SLFN12: variants seen among roughly 807,000 people sequenced by gnomAD.
SLFN12 encodes schlafen family member 12, also known as ribonuclease SLFN12.
A neutral mutation model predicts 29.1 loss-of-function variants in SLFN12; 25 were observed. The observed-to-expected ratio is 0.86, with a 90% confidence interval of 0.63 to 1.20. The LOEUF (loss-of-function observed/expected upper bound fraction) is 1.20, where lower values mean the gene tolerates loss of function less well. Among genes scored for constraint, SLFN12 ranks in the 50% most tolerant of loss-of-function variants. The pLI, the probability that SLFN12 is intolerant of heterozygous loss-of-function variation, is 0.00. For missense variants in SLFN12, 660 were observed against 666.2 expected, an observed-to-expected ratio of 0.99 and a Z score of 0.10; for synonymous variants, 257 against 238.7, an observed-to-expected ratio of 1.08 and a Z score of -0.71.
intron 3 of SLFN12, among the ~76,000 whole-genome samples, chr17:35,417,027 G>A (rs1358133471): frequency 6.6e-6 from 1 of 152,028 alleles, no homozygotes; most frequent in African/African-American, 2.4e-5. Context: ...TTTTTCAAAG[G>A]ATAGGAAAAG....
At chr17:35,418,767 AT>A (rs1911460934) in intron 3 of SLFN12, among the ~76,000 whole-genome samples, 1 of 152,160 alleles carries the variant, frequency 6.6e-6, no homozygotes, top group Admixed American at 6.5e-5. Flanking sequence ...ACTTTTCAGT[AT>A]TGCGGCTGGG....
At chr17:35,419,493 T>C (rs891268761) in intron 3 of SLFN12, among the ~76,000 whole-genome samples, 2 of 152,056 alleles carry the variant, frequency 1.3e-5, no homozygotes, top group Admixed American at 1.3e-4. Context: ...AGATGAAATA[T>C]ATATGGCCAG....
At chr17:35,426,167 T>C (rs1912012381) in intron 1 of SLFN12, among the ~76,000 whole-genome samples, 1 of 151,934 alleles carries the variant, frequency 6.6e-6, no homozygotes, top group Non-Finnish European at 1.5e-5. Context: ...TTGAGTTGTT[T>C]GGGTTTCTTA....
intron 1 of SLFN12, among the ~76,000 whole-genome samples, chr17:35,428,894 G>C (rs1007557262): frequency 2.0e-5 from 3 of 151,966 alleles, no homozygotes; most frequent in Non-Finnish European, 4.4e-5. Flanking sequence ...TGCACATGAG[G>C]CTGCCCCAAA....
chr17:35,422,943 T>C lies in SLFN12; in HGVS notation c.86A>G (p.Lys29Arg), dbSNP rs745396413. The C allele has an allele frequency of 2.5e-6, 4 of 1,613,978 alleles. No individual in the cohort carries two copies. The highest frequency in any genetic ancestry group is 1.7e-5 in the Admixed American group (1 of 60,016). Residue 29 changes from lysine (K) to arginine (R), a missense_variant, in exon 2 of 4, where the codon AAA (lysine) becomes AGA (arginine). Physicochemically the swap from Lys to Arg is conservative, Grantham distance 26 (BLOSUM62 2). Coordinates refer to ENST00000304905, the MANE Select transcript of SLFN12 (RefSeq NM_018042.5). ...GRVTLGENSR[K>R]KMKDCKLRKK... Reference sequence around the variant, plus strand: ...TCTCAGTTTACAATCCTTCATTTTTTTCCTACTGTTCTCTCCAAGAGTGAC... The same window carrying C: ...TCTCAGTTTACAATCCTTCATTTTTCTCCTACTGTTCTCTCCAAGAGTGAC...
rs1424331312 is a variant in SLFN12, at chr17:35,411,900, G to A, written c.1175C>T (p.Pro392Leu). Residue 392 changes from proline (P) to leucine (L), a missense_variant, in exon 4 of 4, where the codon CCA (proline) becomes CTA (leucine). Physicochemically the swap from Pro to Leu is moderately conservative, Grantham distance 98. Coordinates refer to ENST00000304905, the MANE Select transcript of SLFN12 (RefSeq NM_018042.5). ...PGLSGRITYT[P>L]ENLCRKLFLQ... The stretch of plus-strand genomic sequence containing the variant: ...GAACAGTTTTCTGCAAAGGTTTTCT[G>A]GAGTATACGTTATCCTTCCTGATAG... 1.7e-5 allele frequency: 28 copies of A among 1,609,906 alleles called. No individual in the cohort carries two copies. Among genetic ancestry groups the A allele is most frequent in the Non-Finnish European group, 2.4e-5 (28 of 1,178,538 alleles).
At chr17:35,430,904 T>C (rs1912281429) in intron 1 of SLFN12, among the ~76,000 whole-genome samples, 1 of 152,166 alleles carries the variant, frequency 6.6e-6, no homozygotes, top group Admixed American at 6.5e-5. Context: ...CTATCATAAC[T>C]TTCACAAAAG....
At chr17:35,424,092 G>A (rs1403279150) in intron 1 of SLFN12, among the ~76,000 whole-genome samples, 1 of 152,112 alleles carries the variant, frequency 6.6e-6, no homozygotes, top group Non-Finnish European at 1.5e-5. Flanking sequence ...CATTAGCTCT[G>A]TTCCCTTAAA....
chr17:35,411,889 A>C lies in SLFN12; in HGVS notation c.1186T>G (p.Cys396Gly), dbSNP rs1911045392. The change falls in exon 4 of 4, where the codon TGC (cysteine) becomes GGC (glycine). Residue 396 changes from cysteine (C) to glycine (G), a missense_variant. Physicochemically the swap from Cys to Gly is radical, Grantham distance 159 (BLOSUM62 -3). Transcript: ENST00000304905. ...GRITYTPENLCRKLFLQHEGL... is the reference protein window; with the variant it reads ...GRITYTPENLGRKLFLQHEGL... Reference sequence around the variant, plus strand: ...TCATGTTGTAAGAACAGTTTTCTGCAAAGGTTTTCTGGAGTATACGTTATC... The same window carrying C: ...TCATGTTGTAAGAACAGTTTTCTGCCAAGGTTTTCTGGAGTATACGTTATC... 6.2e-7 allele frequency: 1 copy of C among 1,612,606 alleles called. No homozygotes were observed. Among genetic ancestry groups the C allele is most frequent in the African/African-American group, 1.3e-5 (1 of 74,894 alleles).
intron 1 of SLFN12, among the ~76,000 whole-genome samples, chr17:35,429,394 T>C (rs958607700): frequency 1.1e-4 from 16 of 152,066 alleles, no homozygotes; most frequent in African/African-American, 2.4e-5. Flanking sequence ...AGCATACATC[T>C]GGGACAAAAC....
At position 35,432,271 on chromosome 17, in the gene SLFN12, C is replaced by A. The variant is rs1912362818; in HGVS notation, c.-124G>T. The A allele has an allele frequency of 6.6e-6, 1 of 152,110 alleles. No homozygotes were observed. Among genetic ancestry groups the A allele is most frequent in the African/African-American group, 2.4e-5 (1 of 41,424 alleles). The allele number at this position is 152,110 out of a possible 1,614,324, so 9.4% of individuals were successfully genotyped here. A position where few individuals can be genotyped will look rare whatever the true frequency, so the allele number is the denominator to read the frequency against. On this transcript the variant is annotated 5_prime_UTR_variant, in exon 1 of 4. Transcript: ENST00000304905. ...TTGAACAAAGAACTGGACAAACACA[C>A]AAACAAAGCAAGGAAAGAATGAAGC...
rs143297790 is a variant in SLFN12 at position 35,416,224 on chromosome 17, C to A, written c.1147+4050G>T. On this transcript the variant is annotated intron_variant, in intron 3 of 3. Transcript: ENST00000304905. ...CACAGCAACCTGAATGGGGTGGGAACCATTATTCTAACTGAAGTAACTCAG... is the reference window on the plus strand; with the variant it reads ...CACAGCAACCTGAATGGGGTGGGAAACATTATTCTAACTGAAGTAACTCAG... 6.2e-3 allele frequency among the ~76,000 whole-genome samples: 942 copies of A among 152,132 alleles called. 8 individuals are homozygous for A. Among genetic ancestry groups the A allele is most frequent in the Non-Finnish European group, 0.011 (718 of 67,988 alleles).
At chr17:35,419,366 T>C (rs1377877216) in intron 3 of SLFN12, among the ~76,000 whole-genome samples, 3 of 152,096 alleles carry the variant, frequency 2.0e-5, no homozygotes, top group Non-Finnish European at 4.4e-5. Flanking sequence ...TAGTCGTTAA[T>C]ACCTATGACT....
rs537087605 is a variant in SLFN12 at position 35,422,400 on chromosome 17, G to C, written c.629C>G (p.Ser210Trp). The C allele has an allele frequency of 1.9e-6, 3 of 1,613,878 alleles. No homozygotes were observed. Among genetic ancestry groups the C allele is most frequent in the South Asian group, 1.1e-5 (1 of 90,978 alleles). The change falls in exon 2 of 4, where the codon TCG (serine) becomes TGG (tryptophan). Residue 210 changes from serine (S) to tryptophan (W), a missense_variant. Transcript: ENST00000304905. ...ESTHVEIKNF[S>W]TEKLLQRIKE... ...AATTCGTTGTAACAACTTTTCTGTC[G>C]AGAAGTTTTTAATTTCAACATGTGT...
intron 1 of SLFN12, chr17:35,431,969 C>T (rs1194199365): frequency 6.6e-6 from 1 of 152,158 alleles, no homozygotes; most frequent in African/African-American, 2.4e-5. Flanking sequence ...AAGAGCCCTT[C>T]CCGCTTCTGG....
intron 1 of SLFN12, among the ~76,000 whole-genome samples, chr17:35,427,157 A>G (rs1912062359): frequency 6.6e-6 from 1 of 152,206 alleles, no homozygotes; most frequent in South Asian, 2.1e-4. Context: ...TGCCTCCTCA[A>G]GACTAAGACC....
chr17:35,421,274 G>C (rs571987562), intron 2 of SLFN12, among the ~76,000 whole-genome samples: 1 of 150,934 alleles, frequency 6.6e-6, no homozygotes, highest in Non-Finnish European at 1.5e-5. Flanking sequence ...GGGACAAGAA[G>C]CATGAAGGAG....
In SLFN12 at chr17:35,420,343, T is replaced by G. The variant is rs200355125; in HGVS notation, c.1078A>C (p.Asn360His). 3.7e-6 allele frequency: 6 copies of G among 1,613,826 alleles called. No individual in the cohort carries two copies. In the Admixed American group the frequency reaches 1.0e-4, roughly 27 times the overall value. ...SSYEEVISQI[N>H]TSLPAPHSWP... is the part of the protein sequence containing the mutation. ...CTGTGGGGAGCAGGTAATGACGTAT[T>G]TATTTGAGAGATCACCTCTTCATAT... The change falls in exon 3 of 4, where the codon AAT becomes CAT. Residue 360 changes from asparagine (N) to histidine (H), a missense_variant. Asn to His is a moderately conservative substitution (Grantham distance 68). Coordinates refer to ENST00000304905, the MANE Select transcript of SLFN12 (RefSeq NM_018042.5).
chr17:35,423,454 A>G (rs1469176302), intron 1 of SLFN12, among the ~76,000 whole-genome samples: 1 of 151,752 alleles, frequency 6.6e-6, no homozygotes, highest in Non-Finnish European at 1.5e-5. Flanking sequence ...TTTTCTTTTT[A>G]TTTTAATAAT....
Sources: allele counts gnomAD v4.1 joint callset (sites outside exome capture counted in the v4.1 genomes callset), GRCh38; gene constraint gnomAD v4.1.1; transcripts MANE v1.5; gene names NCBI Gene and HGNC (gene_info 2026-07-23, HGNC 2026-07-21).